The following DPP6 variants were observed in gnomAD, a reference collection of about 807,000 sequenced individuals.
The protein encoded by DPP6 is dipeptidyl peptidase like 6.
In DPP6, 69 loss-of-function variants were observed where a neutral mutation model predicts 122.6. The observed-to-expected ratio is 0.56, with a 90% CI of 0.46 to 0.69. The LOEUF (loss-of-function observed/expected upper bound fraction) is 0.69. Ranked by LOEUF, DPP6 falls within the 30% of genes least tolerant of loss-of-function variation. The pLI is 0.00. For synonymous variants in DPP6, 418 were observed against 433.1 expected (o/e 0.97, Z 0.43); for missense variants, 928 against 1,116.9 (o/e 0.83, Z 2.41).
At chr7:154,632,395 C>T (rs1012532751) in intron 5 of DPP6, among the ~76,000 whole-genome samples, 1 of 152,106 alleles carries the variant, frequency 6.6e-6, no homozygotes, top group Non-Finnish European at 1.5e-5. Flanking sequence ...TAGAAAGTTA[C>T]TGATTAGAAA....
chr7:154,803,644 C>A (rs934356451), intron 13 of DPP6, among the ~76,000 whole-genome samples: 1 of 152,182 alleles, frequency 6.6e-6, no homozygotes, highest in African/African-American at 2.4e-5. Flanking sequence ...CCACCACTGA[C>A]ATTCGGGGGT....
intron 1 of DPP6, among the ~76,000 whole-genome samples, chr7:154,335,321 A>G (rs760593813): frequency 6.6e-6 from 1 of 152,246 alleles, no homozygotes; most frequent in Admixed American, 6.5e-5. Flanking sequence ...AAAACAAAAC[A>G]AAACAAAACA....
At chr7:153,910,553 A>ATT (rs1800044497) in intron 1 of DPP6, among the ~76,000 whole-genome samples, 2 of 152,100 alleles carry the variant, frequency 1.3e-5, no homozygotes, top group Non-Finnish European at 2.9e-5. Flanking sequence ...TTTAAGCAGA[A>ATT]TCTGTGTTCT....
intron 1 of DPP6, among the ~76,000 whole-genome samples, chr7:154,306,853 CA>C (rs911764562): frequency 5.3e-5 from 8 of 152,172 alleles, no homozygotes; most frequent in Admixed American, 5.2e-4. Context: ...TCAAAACAGA[CA>C]AACCAAACCC....
intron 3 of DPP6, among the ~76,000 whole-genome samples, chr7:154,490,026 T>C (rs73729303): frequency 0.057 from 8,688 of 152,278 alleles, 815 homozygotes; most frequent in African/African-American, 0.19. Context: ...AAGTTCAAAG[T>C]AGCAGAATGT....
chr7:153,885,017 TATA>T (rs1481048307), upstream of DPP6, among the ~76,000 whole-genome samples: 1 of 146,714 alleles, frequency 6.8e-6, no homozygotes, highest in Non-Finnish European at 1.5e-5. Flanking sequence ...TATATATATA[TATA>T]TGTTTGTCTT....
intron 8 of DPP6, among the ~76,000 whole-genome samples, chr7:154,729,408 C>T (rs763869498): frequency 6.6e-6 from 1 of 151,212 alleles, no homozygotes; most frequent in Non-Finnish European, 1.5e-5. Flanking sequence ...CTTAGTGTTA[C>T]CTCCTAGGAT....
chr7:153,918,112 T>C (rs1216876511), intron 1 of DPP6, among the ~76,000 whole-genome samples: 1 of 152,202 alleles, frequency 6.6e-6, no homozygotes, highest in Non-Finnish European at 1.5e-5. Flanking sequence ...AACTACCACA[T>C]GGCACATTTA....
At chr7:154,802,698 A>G (rs978506203) in intron 13 of DPP6, among the ~76,000 whole-genome samples, 1 of 152,174 alleles carries the variant, frequency 6.6e-6, no homozygotes, top group South Asian at 2.1e-4. Flanking sequence ...TTAGCTGGGC[A>G]TGGTGGCACC....
At chr7:154,379,971 G>A (rs1032732219) in intron 1 of DPP6, among the ~76,000 whole-genome samples, 6 of 152,032 alleles carry the variant, frequency 3.9e-5, no homozygotes, top group Admixed American at 1.3e-4. Flanking sequence ...ATCCAGATGT[G>A]GGCCCTTCTA....
chr7:154,886,557 TG>T (rs1806171779), intron 22 of DPP6, among the ~76,000 whole-genome samples: 1 of 152,230 alleles, frequency 6.6e-6, no homozygotes, highest in South Asian at 2.1e-4. Flanking sequence ...GTCTTTTCTG[TG>T]GCTCCGAGAA....
intron 1 of DPP6, among the ~76,000 whole-genome samples, chr7:154,147,525 A>G (rs540126810): frequency 0.052 from 7,470 of 143,944 alleles, no homozygotes; most frequent in African/African-American, 0.18. Flanking sequence ...TCTCGCTCAG[A>G]CTGGAGTGCA....
intron 12 of DPP6, among the ~76,000 whole-genome samples, chr7:154,797,911 G>A (rs1563221630): frequency 6.6e-6 from 1 of 152,246 alleles, no homozygotes; most frequent in Non-Finnish European, 1.5e-5. Context: ...CAGGCTACGA[G>A]GGTGATCCTC....
the DPP6 span, among the ~76,000 whole-genome samples, chr7:153,758,612 G>A: frequency 6.6e-6 from 1 of 151,028 alleles, no homozygotes; most frequent in African/African-American, 2.5e-5. Context: ...TTAGATAATG[G>A]AATTATTAAA....
chr7:154,139,756 A>G (rs977378204), intron 1 of DPP6, among the ~76,000 whole-genome samples: 22 of 152,050 alleles, frequency 1.4e-4, no homozygotes, highest in Admixed American at 9.2e-4. Flanking sequence ...CCTTCCAGCT[A>G]TCTTCCCACT....
chr7:154,556,182 T>C (rs1830028018), intron 4 of DPP6, among the ~76,000 whole-genome samples: 2 of 152,232 alleles, frequency 1.3e-5, no homozygotes, highest in Non-Finnish European at 2.9e-5. Context: ...CCAGGTATTG[T>C]AATTACTTTA....
chr7:154,744,870 G>A (rs908698819), intron 8 of DPP6, among the ~76,000 whole-genome samples: 6 of 152,306 alleles, frequency 3.9e-5, no homozygotes, highest in East Asian at 1.9e-4. Flanking sequence ...AGGGAGCCCA[G>A]GGAGCACAGC....
the DPP6 span, among the ~76,000 whole-genome samples, chr7:153,815,743 G>A: frequency 6.6e-6 from 1 of 152,064 alleles, no homozygotes; most frequent in Non-Finnish European, 1.5e-5. Context: ...CAACACTCCT[G>A]TTTAAACTTG....
chr7:154,844,415 G>A (rs1801791234), intron 16 of DPP6, among the ~76,000 whole-genome samples: 1 of 152,196 alleles, frequency 6.6e-6, no homozygotes, highest in Non-Finnish European at 1.5e-5. Context: ...GAAATCTTAG[G>A]TAAATGCTAA....
Sources: allele counts gnomAD v4.1 joint callset (sites outside exome capture counted in the v4.1 genomes callset), GRCh38; gene constraint gnomAD v4.1.1; transcripts MANE v1.5; gene names NCBI Gene and HGNC (gene_info 2026-07-23, HGNC 2026-07-21).